The following FSHR variants were observed in gnomAD, a reference collection of about 807,000 sequenced individuals.
The protein encoded by FSHR is follicle stimulating hormone receptor.
FSHR carries 46 observed loss-of-function variants against 52.1 expected under a neutral mutation model. The observed-to-expected ratio is 0.88, with a 90% CI of 0.70 to 1.13. The LOEUF (loss-of-function observed/expected upper bound fraction) is 1.13, where lower values mean the gene tolerates loss of function less well. Ranked by LOEUF, FSHR falls within the 50% of genes most tolerant of loss-of-function variation. The probability of loss-of-function intolerance (pLI) is 0.00; values close to 1 mark genes in which losing one functional copy is unlikely to be tolerated. For synonymous variants in FSHR, 399 were observed against 309.6 expected, an observed-to-expected ratio of 1.29 and a Z score of -3.03; for missense variants, 964 against 834.6, an observed-to-expected ratio of 1.16 and a Z score of -1.91.
At chr2:49,082,030 T>G (rs1670187377) in intron 1 of FSHR, among the ~76,000 whole-genome samples, 1 of 152,192 alleles carries the variant, frequency 6.6e-6, no homozygotes, top group African/African-American at 2.4e-5. Context: ...GGAGCCAAGA[T>G]GGCCGAATAG....
At chr2:49,014,812 A>G (rs1667421482) in intron 4 of FSHR, 5 of 438,932 alleles carry the variant, frequency 1.1e-5, no homozygotes, top group South Asian at 6.9e-5. Context: ...TGCATTAGCC[A>G]TATGTGATAG....
chr2:48,980,844 G>A (rs775798152), intron 8 of FSHR, among the ~76,000 whole-genome samples: 10 of 151,924 alleles, frequency 6.6e-5, no homozygotes, highest in Admixed American at 6.6e-4. Flanking sequence ...AAGGAGTTGG[G>A]GGATCTCATC....
intron 1 of FSHR, among the ~76,000 whole-genome samples, chr2:49,118,843 C>G (rs894156430): frequency 6.6e-6 from 1 of 152,192 alleles, no homozygotes; most frequent in Non-Finnish European, 1.5e-5. Context: ...AAATATTCCA[C>G]CCCTTGGTTT....
chr2:49,055,746 G>T (rs1669040106), intron 2 of FSHR, among the ~76,000 whole-genome samples: 1 of 151,810 alleles, frequency 6.6e-6, no homozygotes, highest in African/African-American at 2.4e-5. Context: ...GGGGAGAATA[G>T]GATGATATAT....
intron 1 of FSHR, among the ~76,000 whole-genome samples, chr2:49,108,218 C>T (rs1227331052): frequency 1.3e-5 from 2 of 152,082 alleles, no homozygotes; most frequent in Non-Finnish European, 2.9e-5. Flanking sequence ...CCATCGAATC[C>T]CCTGCTTCTC....
In FSHR at chr2:49,151,744, AAGGTGAATT is replaced by A. The variant is rs1287039346; in HGVS notation, c.152+2513_152+2521del. 7.9e-5 allele frequency among the ~76,000 whole-genome samples: 12 copies of A among 152,258 alleles called. No individual in the cohort carries two copies. In the East Asian group the frequency reaches 1.9e-3, roughly 24 times the overall value. The stretch of plus-strand genomic sequence containing the variant: ...TTAATACGCAAACTTGGAAGATTGT[AAGGTGAATT>A]AGAGATACTTAGTTGAACAGTCCAT... On this transcript the variant is annotated intron_variant, in intron 1 of 9. Coordinates refer to ENST00000406846, the MANE Select transcript of FSHR (RefSeq NM_000145.4).
intron 2 of FSHR, among the ~76,000 whole-genome samples, chr2:49,043,527 T>G (rs962537889): frequency 2.0e-5 from 3 of 152,186 alleles, no homozygotes; most frequent in Non-Finnish European, 4.4e-5. Flanking sequence ...ACAATGGCTC[T>G]CCTAAGTCAA....
chr2:49,124,245 T>A (rs1671921452), intron 1 of FSHR, among the ~76,000 whole-genome samples: 1 of 151,498 alleles, frequency 6.6e-6, no homozygotes, highest in African/African-American at 2.4e-5. Flanking sequence ...TCCACCCACC[T>A]CGGCCTCTCA....
At position 49,011,658 on chromosome 2, in the gene FSHR, A is replaced by G. The variant is rs947547963; in HGVS notation, c.374+5831T>C. Among the ~76,000 whole-genome samples the G allele has an allele frequency of 1.9e-4, 29 of 152,042 alleles. 1 individual carries two copies. The highest frequency in any genetic ancestry group is 1.9e-4 in the East Asian group (1 of 5,170). The stretch of plus-strand genomic sequence containing the variant: ...TGAACACAACTCGGTGATGCAGGCA[A>G]TGTTAAGGTTCCTACTTTTCAGAAA... On this transcript the variant is annotated intron_variant, in intron 4 of 9. Coordinates refer to ENST00000406846, the MANE Select transcript of FSHR (RefSeq NM_000145.4).
chr2:49,058,553 C>T (rs527970790), intron 2 of FSHR, among the ~76,000 whole-genome samples: 3 of 151,900 alleles, frequency 2.0e-5, no homozygotes, highest in Middle Eastern at 3.4e-3. Flanking sequence ...TCAACACCCT[C>T]CTCCCCACCT....
rs765620221 is a variant in FSHR, at chr2:48,962,938, AT to A, written c.1882del (p.Ile628SerfsTer14). 19 of 1,614,050 alleles carry A rather than the reference AT, an allele frequency of 1.2e-5. No homozygotes were observed. Among genetic ancestry groups the A allele is most frequent in the Non-Finnish European group, 1.5e-5 (18 of 1,180,034 alleles). On this transcript the variant is annotated frameshift_variant, in exon 10 of 10. Coordinates refer to ENST00000406846, the MANE Select transcript of FSHR (RefSeq NM_000145.4). LOFTEE classifies it high-confidence loss of function. ...ATCTCTGCGAAAGTTTTTGGTAAAGATGGCATAGAGGAAGGGGTTGGCACAG... is the reference window on the plus strand; with the variant it reads ...ATCTCTGCGAAAGTTTTTGGTAAAGAGGCATAGAGGAAGGGGTTGGCACAG... ...NSCANPFLYA[I>X]FTKNFRRDFF... is the part of the protein sequence containing the mutation.
intron 1 of FSHR, among the ~76,000 whole-genome samples, chr2:49,098,565 C>G (rs1363326679): frequency 6.6e-6 from 1 of 151,458 alleles, no homozygotes; most frequent in Non-Finnish European, 1.5e-5. Context: ...AAGATAGGTA[C>G]CAGATTTTGG....
intron 1 of FSHR, among the ~76,000 whole-genome samples, chr2:49,088,161 C>G (rs539055317): frequency 6.6e-6 from 1 of 152,246 alleles, no homozygotes; most frequent in East Asian, 1.9e-4. Context: ...GGTCCCAAAG[C>G]CCATGCGCAC....
chr2:49,080,765 T>TG (rs1163765573), intron 1 of FSHR, among the ~76,000 whole-genome samples: 1 of 152,178 alleles, frequency 6.6e-6, no homozygotes, highest in Non-Finnish European at 1.5e-5. Flanking sequence ...TGGTGGCTAA[T>TG]GCCCAGAGAC....
At chr2:49,011,194 C>G (rs190534302) in intron 4 of FSHR, among the ~76,000 whole-genome samples, 3,090 of 150,872 alleles carry the variant, frequency 0.02, 96 homozygotes, top group African/African-American at 0.07. Flanking sequence ...CTACACACTG[C>G]TTTGAATGCG....
At chr2:49,024,058 A>G (rs999449789) in intron 2 of FSHR, among the ~76,000 whole-genome samples, 2 of 152,178 alleles carry the variant, frequency 1.3e-5, no homozygotes, top group Non-Finnish European at 1.5e-5. Context: ...TTTGTTCACC[A>G]TTATAACTGA....
chr2:48,986,614 T>C (rs1675527781), intron 6 of FSHR, among the ~76,000 whole-genome samples: 1 of 152,186 alleles, frequency 6.6e-6, no homozygotes, highest in Non-Finnish European at 1.5e-5. Flanking sequence ...CTGAGAAACA[T>C]TCACTCTTAA....
intron 2 of FSHR, among the ~76,000 whole-genome samples, chr2:49,035,217 G>T (rs1668234926): frequency 6.6e-6 from 1 of 152,192 alleles, no homozygotes; most frequent in Non-Finnish European, 1.5e-5. Flanking sequence ...TACAGGAGAG[G>T]GACAGGGACA....
intron 2 of FSHR, among the ~76,000 whole-genome samples, chr2:49,053,999 G>A (rs1178188595): frequency 6.6e-6 from 1 of 152,156 alleles, no homozygotes; most frequent in East Asian, 1.9e-4. Flanking sequence ...GATCTAAAGA[G>A]AGAAGAAAAT....
Sources: allele counts gnomAD v4.1 joint callset (sites outside exome capture counted in the v4.1 genomes callset), GRCh38; gene constraint gnomAD v4.1.1; transcripts MANE v1.5; gene names NCBI Gene and HGNC (gene_info 2026-07-23, HGNC 2026-07-21).